Variants in ARHGAP24 observed in about 807,000 individuals in gnomAD.
ARHGAP24 encodes the protein rho GTPase-activating protein 24.
In ARHGAP24, 50 loss-of-function variants were observed where a neutral mutation model predicts 76.4. That is an observed-to-expected ratio of 0.65 (90% confidence interval 0.52 to 0.83). The LOEUF (loss-of-function observed/expected upper bound fraction) is 0.83, where lower values mean the gene tolerates loss of function less well. Ranked by LOEUF, ARHGAP24 falls within the 40% of genes least tolerant of loss-of-function variation. The pLI, the probability that ARHGAP24 is intolerant of heterozygous loss-of-function variation, is 0.00. For synonymous variants in ARHGAP24, 345 were observed against 323.3 expected (o/e 1.07, Z -0.72); for missense variants, 930 against 914.2 (o/e 1.02, Z -0.22).
At chr4:85,696,389 A>T (rs1723866634) in intron 2 of ARHGAP24, among the ~76,000 whole-genome samples, 1 of 152,114 alleles carries the variant, frequency 6.6e-6, no homozygotes, top group African/African-American at 2.4e-5. Context: ...CAGATTGGTA[A>T]CTTGAATAAT....
chr4:85,677,576 A>G (rs1723028900), intron 2 of ARHGAP24, among the ~76,000 whole-genome samples: 1 of 152,234 alleles, frequency 6.6e-6, no homozygotes, highest in South Asian at 2.1e-4. Flanking sequence ...ATAACATTTC[A>G]GTGGTAAAAT....
intron 2 of ARHGAP24, among the ~76,000 whole-genome samples, chr4:85,610,523 A>T (rs1175820110): frequency 5.3e-5 from 7 of 131,614 alleles, no homozygotes; most frequent in South Asian, 2.4e-4. Flanking sequence ...ATTTTAATAG[A>T]TTTGACTCAG....
chr4:85,891,175 T>C (rs1733869271), intron 3 of ARHGAP24, among the ~76,000 whole-genome samples: 1 of 152,170 alleles, frequency 6.6e-6, no homozygotes, highest in African/African-American at 2.4e-5. Flanking sequence ...GGGGACGTTA[T>C]ACTACATTGG....
intron 3 of ARHGAP24, among the ~76,000 whole-genome samples, chr4:85,879,667 A>G (rs1733129115): frequency 6.6e-6 from 1 of 151,902 alleles, no homozygotes; most frequent in Non-Finnish European, 1.5e-5. Flanking sequence ...ACCCCCAGAA[A>G]CTGCATTTAA....
chr4:85,728,856 G>A (rs1463486045), intron 3 of ARHGAP24, among the ~76,000 whole-genome samples: 1 of 152,136 alleles, frequency 6.6e-6, no homozygotes, highest in Non-Finnish European at 1.5e-5. Context: ...CTTCTGGGTT[G>A]AATAAATAAC....
chr4:85,524,005 G>C (rs1363428845), intron 1 of ARHGAP24, among the ~76,000 whole-genome samples: 1 of 152,132 alleles, frequency 6.6e-6, no homozygotes, highest in African/African-American at 2.4e-5. Context: ...TATAGAGGTG[G>C]TGGTGGGCAG....
At chr4:85,821,346 C>T (rs935294565) in intron 3 of ARHGAP24, among the ~76,000 whole-genome samples, 4 of 152,170 alleles carry the variant, frequency 2.6e-5, no homozygotes, top group African/African-American at 4.8e-5. Context: ...TTAATGATAA[C>T]ATATAATCCA....
At chr4:85,688,235 G>A (rs977827226) in intron 2 of ARHGAP24, among the ~76,000 whole-genome samples, 3 of 152,128 alleles carry the variant, frequency 2.0e-5, no homozygotes, top group African/African-American at 7.2e-5. Context: ...CTGAGCATCT[G>A]TTATTTTTTG....
chr4:85,947,320 G>A (rs543095204), intron 5 of ARHGAP24, among the ~76,000 whole-genome samples: 1 of 152,240 alleles, frequency 6.6e-6, no homozygotes, highest in South Asian at 2.1e-4. Flanking sequence ...TTGCTGTGTA[G>A]AAGTTCTCTA....
chr4:85,498,529 C>T (rs1385303004), intron 1 of ARHGAP24, among the ~76,000 whole-genome samples: 2 of 152,246 alleles, frequency 1.3e-5, no homozygotes, highest in African/African-American at 4.8e-5. Flanking sequence ...ACAGCCCTAA[C>T]TCCCTGCCCC....
intron 3 of ARHGAP24, among the ~76,000 whole-genome samples, chr4:85,838,039 TG>T (rs1325738022): frequency 1.3e-5 from 2 of 152,190 alleles, no homozygotes; most frequent in Admixed American, 6.5e-5. Context: ...AAATAATGTC[TG>T]GAAAAAATAG....
intron 3 of ARHGAP24, among the ~76,000 whole-genome samples, chr4:85,887,137 A>G (rs1023945998): frequency 6.6e-6 from 1 of 152,162 alleles, no homozygotes; most frequent in African/African-American, 2.4e-5. Context: ...AAGGACTAGA[A>G]GAAGACAAAA....
intron 1 of ARHGAP24, among the ~76,000 whole-genome samples, chr4:85,545,313 T>C (rs1725877353): frequency 6.6e-6 from 1 of 152,082 alleles, no homozygotes; most frequent in African/African-American, 2.4e-5. Context: ...TTGGCCAGGC[T>C]GGTCTCAAAC....
At chr4:85,585,938 T>G (rs955693403) in intron 2 of ARHGAP24, among the ~76,000 whole-genome samples, 2 of 152,216 alleles carry the variant, frequency 1.3e-5, no homozygotes, top group Admixed American at 6.5e-5. Context: ...GGTCCAGATC[T>G]CTCATTGGAG....
chr4:85,934,310 A>C (rs1736509809), intron 4 of ARHGAP24, among the ~76,000 whole-genome samples: 1 of 152,096 alleles, frequency 6.6e-6, no homozygotes, highest in Non-Finnish European at 1.5e-5. Context: ...AGACTATTTC[A>C]TCCTTTCTCC....
chr4:85,846,394 T>TTA (rs1553934649), intron 3 of ARHGAP24, among the ~76,000 whole-genome samples: 2 of 152,198 alleles, frequency 1.3e-5, no homozygotes, highest in Non-Finnish European at 2.9e-5. Flanking sequence ...CAGGGTTTTT[T>TTA]TTATTATTAT....
At chr4:85,940,816 G>A (rs1736912433) in intron 4 of ARHGAP24, among the ~76,000 whole-genome samples, 1 of 152,136 alleles carries the variant, frequency 6.6e-6, no homozygotes, top group Admixed American at 6.5e-5. Flanking sequence ...TTTGATACCA[G>A]GTGTAGAATA....
intron 2 of ARHGAP24, among the ~76,000 whole-genome samples, chr4:85,625,745 C>CTGGGTGCTCCTGTAT (rs1256670516): frequency 1.3e-5 from 2 of 152,158 alleles, no homozygotes; most frequent in Non-Finnish European, 2.9e-5. Flanking sequence ...CTTTATGAAT[C>CTGGGTGCTCCTGTAT]TGGGTGCTCC....
chr4:85,908,702 T>G (rs906970498), intron 3 of ARHGAP24, among the ~76,000 whole-genome samples: 1 of 152,088 alleles, frequency 6.6e-6, no homozygotes, highest in Non-Finnish European at 1.5e-5. Context: ...GAACTCTGAA[T>G]AAGAGTTCCC....
Sources: gnomAD v4.1 joint callset for allele counts (sites outside exome capture counted in the v4.1 genomes callset) on GRCh38, gnomAD v4.1.1 for gene constraint, MANE v1.5 for transcripts, NCBI Gene and HGNC (gene_info 2026-07-23, HGNC 2026-07-21) for gene names.